Variants in CPEB1 observed in about 807,000 individuals in gnomAD.
CPEB1 encodes the protein cytoplasmic polyadenylation element binding protein 1, also known as cytoplasmic polyadenylation element-binding protein 1.
Under a neutral mutation model 65.8 loss-of-function variants are expected in CPEB1, and 7 were observed. That is an observed-to-expected ratio of 0.11 (90% CI 0.06 to 0.20). The LOEUF is 0.20. Ranked by LOEUF, CPEB1 falls within the 10% of genes least tolerant of loss-of-function variation. The probability of loss-of-function intolerance (pLI) is 1.00; values close to 1 mark genes in which losing one functional copy is unlikely to be tolerated. For missense variants in CPEB1, 551 were observed against 712.2 expected (o/e 0.77, Z 2.58); for synonymous variants, 262 against 260.0 (o/e 1.01, Z -0.08).
chr15:82,594,706 A>C (rs889221683), intron 3 of CPEB1, among the ~76,000 whole-genome samples: 31 of 152,186 alleles, frequency 2.0e-4, no homozygotes, highest in African/African-American at 7.5e-4. Context: ...ACAGCTTTCG[A>C]CATGTCTTCC....
intron 12 of CPEB1, 62 bp downstream of exon 12, chr15:82,546,379 A>G: frequency 1.5e-6 from 2 of 1,379,002 alleles, no homozygotes; most frequent in Non-Finnish European, 2.1e-6. Flanking sequence ...ACAGGTGTGA[A>G]CCACCGCGCC....
rs752859272 is a variant in CPEB1, at chr15:82,549,521, G to A, written c.1419C>T (p.Asn473=). ...LNAEALAAIL[N]DLFGGVVYAG... ...CATACACCACTCCACCAAATAGGTC[G>A]TTCAAGATGGCTGCCAGGGCCTCAG... Residue 473 remains asparagine (N), a synonymous_variant, in exon 10 of 13, where the codon AAC becomes AAT. Transcript: ENST00000684509. 22 of 1,614,198 alleles carry A rather than the reference G, an allele frequency of 1.4e-5. No homozygotes were observed. In the Admixed American group the frequency reaches 1.8e-4, roughly 13 times the overall value.
intron 3 of CPEB1, among the ~76,000 whole-genome samples, chr15:82,615,987 A>C (rs960097460): frequency 2.0e-5 from 3 of 152,142 alleles, no homozygotes; most frequent in African/African-American, 7.2e-5. Flanking sequence ...AATATTGTAT[A>C]TATTTATGTA....
chr15:82,586,493 T>C (rs1380881196), intron 3 of CPEB1, among the ~76,000 whole-genome samples: 1 of 152,170 alleles, frequency 6.6e-6, no homozygotes, highest in Non-Finnish European at 1.5e-5. Flanking sequence ...GTTATTCCCC[T>C]TTAAAAAAAA....
In CPEB1 at chr15:82,606,645, C is replaced by T. The variant is rs866639768; in HGVS notation, c.271+20548G>A. 5.1e-3 allele frequency among the ~76,000 whole-genome samples: 335 copies of T among 65,538 alleles called. 83 individuals are homozygous for T. Among genetic ancestry groups the T allele is most frequent in the African/African-American group, 0.021 (316 of 14,956 alleles). The allele number at this position is 65,538 out of a possible 152,430, so 43.0% of individuals were successfully genotyped here. On this transcript the variant is annotated intron_variant, in intron 3 of 12. Transcript: ENST00000684509. ...CATCCCGGCTAAAATGGTGAAACCC[C>T]GTCTCTACTAAAAATACAAAAAATT...
chr15:82,608,662 T>C (rs1421659553), intron 3 of CPEB1, among the ~76,000 whole-genome samples: 1 of 152,260 alleles, frequency 6.6e-6, no homozygotes, highest in East Asian at 1.9e-4. Flanking sequence ...TCTGACAAAG[T>C]TTATTGTGAC....
chr15:82,566,618 C>G (rs1242416781), intron 4 of CPEB1, among the ~76,000 whole-genome samples: 1 of 152,154 alleles, frequency 6.6e-6, no homozygotes, highest in Admixed American at 6.5e-5. Flanking sequence ...GTATAACTCC[C>G]AGTCTTGATC....
chr15:82,634,090 A>C (rs1056101612), intron 1 of CPEB1, among the ~76,000 whole-genome samples: 5 of 152,194 alleles, frequency 3.3e-5, no homozygotes, highest in African/African-American at 1.2e-4. Context: ...CCAGTTATTA[A>C]ATTATATCAC....
chr15:82,588,047 G>A (rs556885020), intron 3 of CPEB1, among the ~76,000 whole-genome samples: 5 of 152,098 alleles, frequency 3.3e-5, no homozygotes, highest in East Asian at 3.9e-4. Flanking sequence ...TCAGCCCCTG[G>A]AGCAGCCAGG....
intron 1 of CPEB1, chr15:82,628,844 T>A: frequency 5.8e-6 from 1 of 173,020 alleles, no homozygotes; most frequent in Non-Finnish European, 1.2e-5. Flanking sequence ...GATTTTCTAG[T>A]AACATTTTTT....
Position 82,592,195 on chromosome 15 carries a change from A to G in CPEB1, c.272-20663T>C, listed in dbSNP as rs147262595. ...AACATTTTATTGAATGGATATATAT[A>G]TGGGTATACCCTGGAGACACTGCAG... On this transcript the variant is annotated intron_variant, in intron 3 of 12. Transcript: ENST00000684509. Among the ~76,000 whole-genome samples the G allele has an allele frequency of 7.7e-3, 1,170 of 152,248 alleles. 12 individuals are homozygous for G. Among genetic ancestry groups the G allele is most frequent in the Non-Finnish European group, 9.7e-3 (661 of 68,024 alleles).
chr15:82,637,239 G>A (rs2046733772), intron 1 of CPEB1, among the ~76,000 whole-genome samples: 1 of 152,184 alleles, frequency 6.6e-6, no homozygotes, highest in South Asian at 2.1e-4. Context: ...AGAAACTAAA[G>A]GCTCTGGACA....
At chr15:82,558,042 G>A in intron 4 of CPEB1, 56 bp from the exon 5 acceptor site, 4 of 1,286,434 alleles carry the variant, frequency 3.1e-6, no homozygotes, top group South Asian at 3.0e-5. Context: ...GCAGCCAACA[G>A]CCTCTTTCTT....
At chr15:82,555,798 T>G (rs1301678299) in intron 6 of CPEB1, 72 bp downstream of exon 6, 2 of 1,526,880 alleles carry the variant, frequency 1.3e-6, no homozygotes, top group Non-Finnish European at 1.8e-6. Context: ...CACAAGTGTG[T>G]GAACTAAGGT....
At chr15:82,584,352 C>T (rs1364695496) in intron 3 of CPEB1, among the ~76,000 whole-genome samples, 3 of 151,228 alleles carry the variant, frequency 2.0e-5, no homozygotes, top group Non-Finnish European at 4.4e-5. Flanking sequence ...TATTGGACCC[C>T]CTGAATTCTA....
At chr15:82,565,545 A>T (rs1261604796) in intron 4 of CPEB1, among the ~76,000 whole-genome samples, 1 of 152,164 alleles carries the variant, frequency 6.6e-6, no homozygotes, top group Non-Finnish European at 1.5e-5. Context: ...CACAAACTAA[A>T]ATCCAGTGGA....
intron 4 of CPEB1, among the ~76,000 whole-genome samples, chr15:82,564,154 A>T (rs567813671): frequency 6.6e-6 from 1 of 152,378 alleles, no homozygotes; most frequent in East Asian, 1.9e-4. Context: ...TCTGGCAAAA[A>T]GCAGGTGAAC....
At chr15:82,629,456 A>T in intron 1 of CPEB1, 1 of 979,978 alleles carries the variant, frequency 1.0e-6, no homozygotes, top group Non-Finnish European at 1.2e-6. Context: ...TCCTATATAT[A>T]TATATAAAAA....
intron 4 of CPEB1, among the ~76,000 whole-genome samples, chr15:82,565,470 G>C (rs1047156547): frequency 6.6e-6 from 1 of 152,202 alleles, no homozygotes; most frequent in African/African-American, 2.4e-5. Context: ...GCTAGCGTTA[G>C]ACTGTTCCCA....
Sources: allele counts gnomAD v4.1 joint callset (sites outside exome capture counted in the v4.1 genomes callset), GRCh38; gene constraint gnomAD v4.1.1; transcripts MANE v1.5; gene names NCBI Gene and HGNC (gene_info 2026-07-23, HGNC 2026-07-21).